QTMAN: variants seen among roughly 807,000 people sequenced by gnomAD.
The protein encoded by QTMAN is tRNA-queuosine alpha-mannosyltransferase.
the QTMAN span, among the ~76,000 whole-genome samples, chr2:143,960,528 G>A: frequency 2.0e-5 from 3 of 152,090 alleles, no homozygotes; most frequent in African/African-American, 7.2e-5. Context: ...AAGATCAGAA[G>A]AGAAGGTGAG....
the QTMAN span, among the ~76,000 whole-genome samples, chr2:144,188,419 C>A: frequency 6.6e-6 from 1 of 152,084 alleles, no homozygotes; most frequent in African/African-American, 2.4e-5. Context: ...ATATCAGTTT[C>A]TTTTCCTAAA....
the QTMAN span, among the ~76,000 whole-genome samples, chr2:144,166,408 T>C: frequency 6.6e-6 from 1 of 152,222 alleles, no homozygotes; most frequent in Non-Finnish European, 1.5e-5. Context: ...CCTACTAGTA[T>C]ACATAAACAC....
At chr2:144,042,220 C>A in the QTMAN span, among the ~76,000 whole-genome samples, 1 of 151,976 alleles carries the variant, frequency 6.6e-6, no homozygotes, top group Non-Finnish European at 1.5e-5. Flanking sequence ...GACTAGGCTG[C>A]ATTTAGGCAC....
the QTMAN span, chr2:143,946,724 C>T: frequency 3.8e-6 from 1 of 264,496 alleles, no homozygotes; most frequent in Non-Finnish European, 7.1e-6. Flanking sequence ...TTCAATGTGG[C>T]ACCACATATG....
chr2:144,152,694 T>C, the QTMAN span, among the ~76,000 whole-genome samples: 1 of 152,224 alleles, frequency 6.6e-6, no homozygotes, highest in East Asian at 1.9e-4. Context: ...TTTGTAGATA[T>C]ATCTGTTTTT....
chr2:144,037,040 T>C, the QTMAN span, among the ~76,000 whole-genome samples: 2 of 152,186 alleles, frequency 1.3e-5, no homozygotes, highest in African/African-American at 4.8e-5. Context: ...TATTTTATGA[T>C]TCAATTTATA....
the QTMAN span, among the ~76,000 whole-genome samples, chr2:143,999,817 T>C: frequency 1.3e-5 from 2 of 152,152 alleles, no homozygotes; most frequent in South Asian, 2.1e-4. Context: ...ACAATTAGTA[T>C]GTTTACAAAA....
At chr2:144,309,437 C>G in the QTMAN span, among the ~76,000 whole-genome samples, 8 of 152,174 alleles carry the variant, frequency 5.3e-5, no homozygotes, top group Non-Finnish European at 1.0e-4. Flanking sequence ...CTATTCTTTA[C>G]TGAAAGGAAC....
the QTMAN span, among the ~76,000 whole-genome samples, chr2:144,107,021 A>C: frequency 6.6e-6 from 1 of 152,232 alleles, no homozygotes; most frequent in Admixed American, 6.5e-5. Flanking sequence ...GTACATAACA[A>C]AATGAAGGCA....
At chr2:144,267,777 G>A in the QTMAN span, among the ~76,000 whole-genome samples, 10 of 152,284 alleles carry the variant, frequency 6.6e-5, no homozygotes, top group Non-Finnish European at 1.3e-4. Flanking sequence ...CAAAAAGAGA[G>A]AGAGGTGAGT....
the QTMAN span, chr2:143,970,821 T>C: frequency 1.1e-6 from 1 of 930,360 alleles, no homozygotes; most frequent in Non-Finnish European, 1.8e-6. Flanking sequence ...TTAGGAAAAG[T>C]GGTTTCACTT....
chr2:144,063,950 G>T, the QTMAN span, among the ~76,000 whole-genome samples: 1 of 152,124 alleles, frequency 6.6e-6, no homozygotes, highest in Non-Finnish European at 1.5e-5. Context: ...TAATTAAAAC[G>T]TTTCTGAGTC....
the QTMAN span, chr2:144,208,881 T>C: frequency 4.0e-6 from 3 of 755,146 alleles, no homozygotes; most frequent in Non-Finnish European, 6.0e-6. Flanking sequence ...AAGTTCAAAT[T>C]TCATACTCAG....
At chr2:143,979,049 C>T in the QTMAN span, among the ~76,000 whole-genome samples, 11 of 152,100 alleles carry the variant, frequency 7.2e-5, no homozygotes, top group Non-Finnish European at 1.6e-4. Context: ...ATTCTTATTT[C>T]CTGCTTTACT....
At chr2:144,267,771 A>G in the QTMAN span, among the ~76,000 whole-genome samples, 1 of 152,146 alleles carries the variant, frequency 6.6e-6, no homozygotes, top group African/African-American at 2.4e-5. Context: ...GAAAGACAAA[A>G]AGAGAGAGAG....
At chr2:144,281,395 C>CAAAAAAAAAAAAAAAAA in the QTMAN span, among the ~76,000 whole-genome samples, 1 of 60,594 alleles carries the variant, frequency 1.7e-5, no homozygotes, top group Non-Finnish European at 3.0e-5. Context: ...ATTGTTATAG[C>CAAAAAAAAAAAAAAAAA]AAAAAAAAAA....
the QTMAN span, among the ~76,000 whole-genome samples, chr2:144,284,433 T>C: frequency 6.6e-6 from 1 of 151,914 alleles, no homozygotes; most frequent in Non-Finnish European, 1.5e-5. Context: ...AAAAGGAAAG[T>C]TATTAAGTTA....
the QTMAN span, among the ~76,000 whole-genome samples, chr2:144,328,512 A>G: frequency 6.6e-6 from 1 of 152,242 alleles, no homozygotes; most frequent in Non-Finnish European, 1.5e-5. Context: ...TCCAAAGGAT[A>G]TAGTGAGACA....
the QTMAN span, among the ~76,000 whole-genome samples, chr2:144,273,430 G>A: frequency 2.6e-5 from 4 of 151,986 alleles, no homozygotes; most frequent in South Asian, 2.1e-4. Context: ...AAGTTGTGAC[G>A]GCAACAAATA....
Sources: gnomAD v4.1 joint callset for allele counts (sites outside exome capture counted in the v4.1 genomes callset) on GRCh38, gnomAD v4.1.1 for gene constraint, MANE v1.5 for transcripts, NCBI Gene and HGNC (gene_info 2026-07-23, HGNC 2026-07-21) for gene names.